RBFOX1: variants seen among roughly 807,000 people sequenced by gnomAD.
RBFOX1 encodes the protein RNA binding protein fox-1 homolog 1.
Under a neutral mutation model 57.7 loss-of-function variants are expected in RBFOX1, and 8 were observed. That is an observed-to-expected ratio of 0.14 (90% confidence interval 0.08 to 0.25). The LOEUF (loss-of-function observed/expected upper bound fraction) is 0.25, where lower values mean the gene tolerates loss of function less well. Ranked by LOEUF, RBFOX1 falls within the 10% of genes least tolerant of loss-of-function variation. The probability of loss-of-function intolerance (pLI) is 1.00; values close to 1 mark genes in which losing one functional copy is unlikely to be tolerated. For synonymous variants in RBFOX1, 326 were observed against 222.4 expected, an observed-to-expected ratio of 1.47 and a Z score of -4.15; for missense variants, 611 against 548.5, an observed-to-expected ratio of 1.11 and a Z score of -1.14.
Position 6,869,901 on chromosome 16 carries a change from A to T in RBFOX1, c.-15-182156A>T, listed in dbSNP as rs115680849. 3.8e-3 allele frequency among the ~76,000 whole-genome samples: 574 copies of T among 152,282 alleles called. 2 individuals carry two copies. Among genetic ancestry groups the T allele is most frequent in the African/African-American group, 0.013 (540 of 41,568 alleles). On this transcript the variant is annotated intron_variant, in intron 3 of 15. Transcript: ENST00000550418. ...TATATGTCTCCCCGCAGTAAAAGCA[A>T]TTCAAAGCCATAAATTACTTATATC...
intron 4 of RBFOX1, among the ~76,000 whole-genome samples, chr16:7,192,911 C>T (rs553944548): frequency 1.3e-5 from 2 of 152,220 alleles, no homozygotes; most frequent in Non-Finnish European, 2.9e-5. Context: ...ACACCCTCTT[C>T]TGAGAACAAT....
At chr16:7,297,799 G>A (rs966604714) in intron 4 of RBFOX1, among the ~76,000 whole-genome samples, 2 of 152,050 alleles carry the variant, frequency 1.3e-5, no homozygotes, top group African/African-American at 2.4e-5. Flanking sequence ...ACATAAATCT[G>A]TACAGAGTAA....
At chr16:5,436,259 A>G (rs540710619) in intron 1 of RBFOX1, among the ~76,000 whole-genome samples, 3 of 152,298 alleles carry the variant, frequency 2.0e-5, no homozygotes, top group Admixed American at 1.3e-4. Flanking sequence ...TTTCTTCAAC[A>G]GTGACAACGA....
At chr16:7,503,111 T>A (rs2071554903) in intron 4 of RBFOX1, among the ~76,000 whole-genome samples, 1 of 152,206 alleles carries the variant, frequency 6.6e-6, no homozygotes, top group African/African-American at 2.4e-5. Flanking sequence ...GAATGTTTAT[T>A]TTTCTCTTCA....
At chr16:6,952,012 G>C (rs1219812190) in intron 3 of RBFOX1, among the ~76,000 whole-genome samples, 1 of 152,204 alleles carries the variant, frequency 6.6e-6, no homozygotes, top group Non-Finnish European at 1.5e-5. Context: ...ATATTAACAG[G>C]AAAGATAATT....
intron 4 of RBFOX1, among the ~76,000 whole-genome samples, chr16:7,485,196 C>G (rs910000394): frequency 6.6e-6 from 1 of 152,082 alleles, no homozygotes; most frequent in African/African-American, 2.4e-5. Flanking sequence ...ACTGACCTAC[C>G]TGTTATTTTG....
intron 2 of RBFOX1, among the ~76,000 whole-genome samples, chr16:6,488,104 C>T (rs986458964): frequency 1.3e-5 from 2 of 152,070 alleles, no homozygotes; most frequent in African/African-American, 4.8e-5. Flanking sequence ...ACTATTTGCC[C>T]AATGTTTGTT....
At chr16:6,261,621 G>A (rs866631970) in intron 1 of RBFOX1, among the ~76,000 whole-genome samples, 1 of 150,490 alleles carries the variant, frequency 6.6e-6, no homozygotes, top group African/African-American at 2.4e-5. Flanking sequence ...TCCACATTAT[G>A]GTGTTTTCTT....
intron 1 of RBFOX1, among the ~76,000 whole-genome samples, chr16:6,226,374 C>A (rs1234955583): frequency 3.2e-3 from 276 of 86,506 alleles, no homozygotes; most frequent in African/African-American, 4.7e-3. Context: ...ACTCTGTCTC[C>A]AAAAAAAAAA....
intron 3 of RBFOX1, among the ~76,000 whole-genome samples, chr16:6,830,156 A>T (rs1460778457): frequency 1.3e-5 from 2 of 152,012 alleles, no homozygotes; most frequent in East Asian, 3.9e-4. Flanking sequence ...ACCTCAGGTG[A>T]TCTGCCCACC....
At chr16:7,184,985 A>G (rs1403453386) in intron 4 of RBFOX1, among the ~76,000 whole-genome samples, 1 of 152,160 alleles carries the variant, frequency 6.6e-6, no homozygotes, top group African/African-American at 2.4e-5. Context: ...TAAACATACA[A>G]TATGCATAGG....
At chr16:7,014,983 C>G (rs971093094) in intron 3 of RBFOX1, among the ~76,000 whole-genome samples, 1 of 152,196 alleles carries the variant, frequency 6.6e-6, no homozygotes, top group Non-Finnish European at 1.5e-5. Context: ...CTGGACCTCC[C>G]AAAGGGCTGG....
At chr16:7,115,466 C>T (rs939869052) in intron 4 of RBFOX1, among the ~76,000 whole-genome samples, 20 of 152,108 alleles carry the variant, frequency 1.3e-4, no homozygotes, top group African/African-American at 2.9e-4. Context: ...ACTGAGAGTC[C>T]GAAAGCATGT....
At chr16:5,905,311 C>A (rs1427101610) in intron 4 of RBFOX1, among the ~76,000 whole-genome samples, 1 of 151,840 alleles carries the variant, frequency 6.6e-6, no homozygotes, top group Non-Finnish European at 1.5e-5. Context: ...CCTCGGCCTC[C>A]CAAAGTGCTA....
chr16:6,503,445 C>G (rs941358824), intron 2 of RBFOX1, among the ~76,000 whole-genome samples: 1 of 152,166 alleles, frequency 6.6e-6, no homozygotes, highest in African/African-American at 2.4e-5. Flanking sequence ...TCACATTTCC[C>G]TGGGTGGACC....
chr16:6,735,103 C>T (rs1474126971), intron 3 of RBFOX1, among the ~76,000 whole-genome samples: 2 of 152,116 alleles, frequency 1.3e-5, no homozygotes, highest in Non-Finnish European at 2.9e-5. Context: ...CATGATTAAA[C>T]AACTGTATAC....
chr16:6,334,082 A>T (rs1057364075), intron 2 of RBFOX1, among the ~76,000 whole-genome samples: 1 of 152,188 alleles, frequency 6.6e-6, no homozygotes, highest in African/African-American at 2.4e-5. Context: ...TTCCTTGATT[A>T]AAGAAGGAAA....
intron 3 of RBFOX1, among the ~76,000 whole-genome samples, chr16:7,000,656 G>C (rs2092708986): frequency 7.5e-6 from 1 of 133,394 alleles, no homozygotes. Context: ...CCAGGCTGGA[G>C]TGCAGTGGCA....
chr16:6,253,663 GTGTGTGTGTGCA>G (rs1254569560), intron 1 of RBFOX1, among the ~76,000 whole-genome samples: 3 of 125,102 alleles, frequency 2.4e-5, no homozygotes, highest in Non-Finnish European at 5.0e-5. Context: ...AAATAGATGT[GTGTGTGTGTGCA>G]TGTGTGTGTG....
Sources: allele counts gnomAD v4.1 joint callset (sites outside exome capture counted in the v4.1 genomes callset), GRCh38; gene constraint gnomAD v4.1.1; transcripts MANE v1.5; gene names NCBI Gene and HGNC (gene_info 2026-07-23, HGNC 2026-07-21).